DCP1B: variants seen among roughly 807,000 people sequenced by gnomAD.
DCP1B encodes decapping mRNA 1B.
Under a neutral mutation model 60.5 loss-of-function variants are expected in DCP1B, and 47 were observed. The observed-to-expected ratio is 0.78, with a 90% CI of 0.61 to 0.99. The LOEUF (loss-of-function observed/expected upper bound fraction) is 0.99. DCP1B is among the 50% of genes least tolerant of loss of function. DCP1B has a pLI of 0.00. For missense variants in DCP1B, 725 were observed against 756.8 expected, an observed-to-expected ratio of 0.96 and a Z score of 0.49; for synonymous variants, 267 against 280.3, an observed-to-expected ratio of 0.95 and a Z score of 0.47.
intron 5 of DCP1B, among the ~76,000 whole-genome samples, chr12:1,957,841 T>C (rs190790063): frequency 1.3e-5 from 2 of 152,396 alleles, no homozygotes; most frequent in East Asian, 3.9e-4. Context: ...TCCTGTAAAC[T>C]AGACAGACTT....
At chr12:1,979,179 A>AT (rs1303097959) in intron 3 of DCP1B, among the ~76,000 whole-genome samples, 2 of 151,954 alleles carry the variant, frequency 1.3e-5, no homozygotes, top group Admixed American at 6.6e-5. Context: ...AGCCTGGCTA[A>AT]TTTTTTTTAT....
At chr12:1,972,484 T>A (rs867371627) in intron 3 of DCP1B, among the ~76,000 whole-genome samples, 2 of 151,798 alleles carry the variant, frequency 1.3e-5, no homozygotes, top group African/African-American at 4.8e-5. Context: ...CCAAGATATT[T>A]AAAAAAAACA....
intron 5 of DCP1B, among the ~76,000 whole-genome samples, chr12:1,960,123 T>C (rs1020974688): frequency 6.6e-6 from 1 of 152,108 alleles, no homozygotes; most frequent in Admixed American, 6.5e-5. Flanking sequence ...CAATAGCCAA[T>C]ATATGGAATA....
chr12:1,952,559 G>A lies in DCP1B; in HGVS notation c.1381C>T (p.Gln461Ter), dbSNP rs773163878. The A allele has an allele frequency of 2.7e-5, 43 of 1,614,074 alleles. No individual in the cohort carries two copies. Among genetic ancestry groups the A allele is most frequent in the Non-Finnish European group, 3.6e-5 (42 of 1,180,038 alleles). ...ELLKKLQIVQ[Q>*]EQQLHASNRP... ...TTAGAGGCATGCAGCTGCTGCTCCTGCTGTACAATCTGAAGCTTCTTCAGT... is the reference window on the plus strand; with the variant it reads ...TTAGAGGCATGCAGCTGCTGCTCCTACTGTACAATCTGAAGCTTCTTCAGT... Residue 461 changes from glutamine to a stop codon, truncating the protein, a stop_gained, in exon 7 of 9, where the codon CAG (glutamine) becomes TAG (stop). Transcript: ENST00000280665. LOFTEE classifies it high-confidence loss of function.
intron 3 of DCP1B, among the ~76,000 whole-genome samples, chr12:1,980,903 T>C (rs896984286): frequency 2.0e-5 from 3 of 151,930 alleles, no homozygotes; most frequent in Admixed American, 2.0e-4. Flanking sequence ...AAATATCAAA[T>C]CACAATATCT....
At chr12:1,946,038 T>A (rs886579575), downstream of DCP1B, 9 of 525,074 alleles carry the variant, frequency 1.7e-5, no homozygotes, top group African/African-American at 1.6e-4. Context: ...TAATAATAAT[T>A]AAAAAACACT....
chr12:1,943,956 A>G (rs1377221512), downstream of DCP1B, among the ~76,000 whole-genome samples: 4 of 152,220 alleles, frequency 2.6e-5, no homozygotes, highest in East Asian at 5.8e-4. Flanking sequence ...CAGGCAAGAG[A>G]AAGAAATAAT....
At chr12:1,997,640 T>C (rs2041252742) in intron 2 of DCP1B, among the ~76,000 whole-genome samples, 1 of 152,262 alleles carries the variant, frequency 6.6e-6, no homozygotes, top group African/African-American at 2.4e-5. Context: ...AAGAACTTTG[T>C]GCCATTCACT....
At chr12:1,994,891 T>C (rs2040418829) in intron 2 of DCP1B, among the ~76,000 whole-genome samples, 1 of 151,958 alleles carries the variant, frequency 6.6e-6, no homozygotes, top group African/African-American at 2.4e-5. Context: ...CCAGCTCCAT[T>C]CCCTGTAACA....
Position 1,990,953 on chromosome 12 carries a change from T to G in DCP1B, c.319+2311A>C, listed in dbSNP as rs114194665. ...CAACATAAAACCAAATGACTCTGGGTGCAAAGGCAATCAGTATCAGATAGA... is the reference window on the plus strand; with the variant it reads ...CAACATAAAACCAAATGACTCTGGGGGCAAAGGCAATCAGTATCAGATAGA... On this transcript the variant is annotated intron_variant, in intron 3 of 8. Transcript: ENST00000280665. Among the ~76,000 whole-genome samples, 1,358 of 146,932 alleles carry G rather than the reference T, an allele frequency of 9.2e-3. 24 individuals are homozygous for G. Among genetic ancestry groups the G allele is most frequent in the African/African-American group, 0.033 (1,290 of 39,550 alleles).
At position 1,952,405 on chromosome 12, in the gene DCP1B, T is replaced by A; in HGVS notation, c.1524+11A>T. On this transcript the variant is annotated intron_variant, in intron 7 of 8. Coordinates refer to ENST00000280665, the MANE Select transcript of DCP1B (RefSeq NM_152640.5). ...CCAGGCTGTTTTATTTTGCCCCTGG[T>A]ACATATTTACCTGGAAAAGAGGAGT... The A allele has an allele frequency of 6.4e-7, 1 of 1,551,536 alleles. No individual in the cohort carries two copies. The highest frequency in any genetic ancestry group is 8.7e-7 in the Non-Finnish European group (1 of 1,147,806).
intron 1 of DCP1B, among the ~76,000 whole-genome samples, chr12:1,998,928 G>T (rs2041550227): frequency 6.6e-6 from 1 of 152,152 alleles, no homozygotes; most frequent in African/African-American, 2.4e-5. Context: ...TAATTCTGGT[G>T]AAAAATACGC....
chr12:1,949,162 C>A lies in DCP1B; in HGVS notation c.1697G>T (p.Ser566Ile), dbSNP rs2030559594. The change falls in exon 8 of 9, where the codon AGC (serine) becomes ATC (isoleucine). Residue 566 changes from serine to isoleucine, a missense_variant. Transcript: ENST00000280665. The stretch of plus-strand genomic sequence containing the variant: ...GCTGGTGATCACGGAGGGCTCCGGG[C>A]TCTGTATGGGCAGGAGGAGGCTGGT... ...AATSLLLPIQSPEPSVITSSP... is the reference protein window; with the variant it reads ...AATSLLLPIQIPEPSVITSSP... 1.2e-6 allele frequency: 2 copies of A among 1,614,016 alleles called. No homozygotes were observed. The highest frequency in any genetic ancestry group is 2.7e-5 in the African/African-American group (2 of 74,910).
rs1300349824 is a variant in DCP1B at position 2,004,400 on chromosome 12, C to T, written c.32G>A (p.Gly11Glu). The change falls in exon 1 of 9, where the codon GGA (glycine) becomes GAA (glutamate). Residue 11 changes from glycine (G) to glutamate (E), a missense_variant. Gly to Glu is a moderately conservative substitution (Grantham distance 98). Transcript: ENST00000280665. MAAVAAGGLV[G>E]KGRDISLAAL... ...CGCTAGGCTGATGTCGCGCCCCTTT[C>T]CCACCAGGCCGCCTGCCGCCACGGC... 1.2e-6 allele frequency: 2 copies of T among 1,611,780 alleles called. No individual in the cohort carries two copies. The highest frequency in any genetic ancestry group is 8.5e-7 in the Non-Finnish European group (1 of 1,179,416).
chr12:2,004,159 G>A (rs2042844311), intron 1 of DCP1B, 123 bp downstream of exon 1: 1 of 1,409,678 alleles, frequency 7.1e-7, no homozygotes, highest in East Asian at 2.5e-5. Context: ...TCAGTCCCCA[G>A]ATCCACCCAC....
chr12:2,001,212 C>T (rs556887060), intron 1 of DCP1B, among the ~76,000 whole-genome samples: 2 of 152,054 alleles, frequency 1.3e-5, no homozygotes, highest in Non-Finnish European at 2.9e-5. Flanking sequence ...TATCCAAGGG[C>T]AACCAGATTT....
chr12:1,982,426 T>C (rs2036417944), intron 3 of DCP1B, among the ~76,000 whole-genome samples: 1 of 152,176 alleles, frequency 6.6e-6, no homozygotes. Flanking sequence ...TTTCTGTCTG[T>C]ATGAATTTGA....
chr12:1,974,858 A>G (rs1278142440), intron 3 of DCP1B, among the ~76,000 whole-genome samples: 2 of 152,186 alleles, frequency 1.3e-5, no homozygotes, highest in Non-Finnish European at 2.9e-5. Flanking sequence ...TTTTTGAGAA[A>G]GCTATGTTTA....
intron 7 of DCP1B, among the ~76,000 whole-genome samples, chr12:1,951,345 G>A (rs2030662763): frequency 1.3e-5 from 2 of 152,212 alleles, no homozygotes; most frequent in South Asian, 4.1e-4. Context: ...TACACAGGGA[G>A]AACTTTCCAA....
Sources: gnomAD v4.1 joint callset for allele counts (sites outside exome capture counted in the v4.1 genomes callset) on GRCh38, gnomAD v4.1.1 for gene constraint, MANE v1.5 for transcripts, NCBI Gene and HGNC (gene_info 2026-07-23, HGNC 2026-07-21) for gene names.